Variants in SNTG1 observed in about 807,000 individuals in gnomAD.
The protein encoded by SNTG1 is gamma-1-syntrophin.
In SNTG1, 39 loss-of-function variants were observed where a neutral mutation model predicts 74.7. The ratio of observed to expected loss-of-function variants is 0.52; its 90% CI spans 0.40 to 0.68. The LOEUF (loss-of-function observed/expected upper bound fraction) is 0.68. Ranked by LOEUF, SNTG1 falls within the 30% of genes least tolerant of loss-of-function variation. The pLI is 0.00. For synonymous variants in SNTG1, 254 were observed against 217.1 expected, an observed-to-expected ratio of 1.17 and a Z score of -1.49; for missense variants, 685 against 609.5, an observed-to-expected ratio of 1.12 and a Z score of -1.30.
intron 2 of SNTG1, among the ~76,000 whole-genome samples, chr8:50,379,804 G>C (rs2092451530): frequency 1.3e-5 from 2 of 152,258 alleles, no homozygotes; most frequent in Non-Finnish European, 2.9e-5. Context: ...GGCCATCCCT[G>C]TTCTCCAGCA....
intron 9 of SNTG1, among the ~76,000 whole-genome samples, chr8:50,510,756 G>A (rs2094063562): frequency 6.6e-6 from 1 of 152,060 alleles, no homozygotes; most frequent in Admixed American, 6.6e-5. Flanking sequence ...GGGATCGGTG[G>A]TGATATCCCC....
chr8:50,660,215 G>GA, intron 15 of SNTG1, among the ~76,000 whole-genome samples: 1 of 139,198 alleles, frequency 7.2e-6, no homozygotes, highest in Non-Finnish European at 1.5e-5. Flanking sequence ...AGAAGGAAAA[G>GA]AAAAGAAGAA....
At chr8:50,701,742 C>CTTT (rs2095425925) in intron 15 of SNTG1, among the ~76,000 whole-genome samples, 2 of 46,814 alleles carry the variant, frequency 4.3e-5, no homozygotes, top group South Asian at 1.8e-3. Flanking sequence ...TTTTCTTTTT[C>CTTT]TTCTCCTTCT....
intron 1 of SNTG1, among the ~76,000 whole-genome samples, chr8:49,981,961 AT>A (rs995741522): frequency 1.1e-4 from 17 of 152,060 alleles, no homozygotes; most frequent in Non-Finnish European, 1.5e-4. Context: ...AATATTATTA[AT>A]TTTTTACCGC....
intron 2 of SNTG1, among the ~76,000 whole-genome samples, chr8:50,374,024 C>G: frequency 6.6e-6 from 1 of 151,858 alleles, no homozygotes; most frequent in African/African-American, 2.4e-5. Context: ...ATTTATCTTC[C>G]CCAAAATTCA....
chr8:49,932,056 C>G (rs1807643116), intron 1 of SNTG1, among the ~76,000 whole-genome samples: 1 of 152,074 alleles, frequency 6.6e-6, no homozygotes, highest in Non-Finnish European at 1.5e-5. Flanking sequence ...AAAAGTTATA[C>G]AATTGAAGCA....
At chr8:50,766,183 A>C (rs895581523) in intron 18 of SNTG1, among the ~76,000 whole-genome samples, 4 of 151,946 alleles carry the variant, frequency 2.6e-5, no homozygotes, top group Admixed American at 1.3e-4. Flanking sequence ...CATTCAATAG[A>C]ACATTTTTCA....
intron 1 of SNTG1, among the ~76,000 whole-genome samples, chr8:50,101,827 C>T (rs1054081558): frequency 1.8e-4 from 27 of 151,832 alleles, no homozygotes; most frequent in Admixed American, 3.9e-4. Context: ...TTTGTCCTTG[C>T]GATAGTTTAC....
intron 13 of SNTG1, among the ~76,000 whole-genome samples, chr8:50,620,059 C>G (rs988902617): frequency 5.3e-5 from 8 of 152,086 alleles, no homozygotes; most frequent in African/African-American, 1.9e-4. Flanking sequence ...TGGGCTAATC[C>G]AGGTGTGGGC....
chr8:50,517,169 C>A (rs2094140373), intron 9 of SNTG1, among the ~76,000 whole-genome samples: 3 of 152,094 alleles, frequency 2.0e-5, no homozygotes, highest in Admixed American at 2.0e-4. Context: ...GAATTTTCAA[C>A]CCAGAATTAC....
chr8:50,606,557 G>C (rs1585827765), intron 13 of SNTG1, among the ~76,000 whole-genome samples: 1 of 151,804 alleles, frequency 6.6e-6, no homozygotes, highest in Non-Finnish European at 1.5e-5. Flanking sequence ...ATTTCATTTT[G>C]GATACATTTT....
intron 13 of SNTG1, among the ~76,000 whole-genome samples, chr8:50,611,664 A>G (rs1341271640): frequency 2.0e-5 from 3 of 152,196 alleles, no homozygotes; most frequent in Non-Finnish European, 4.4e-5. Context: ...GTACATGCTT[A>G]TAGTCCCAGC....
At chr8:50,492,938 G>T (rs1056877624) in intron 8 of SNTG1, among the ~76,000 whole-genome samples, 3 of 152,052 alleles carry the variant, frequency 2.0e-5, no homozygotes, top group Non-Finnish European at 4.4e-5. Flanking sequence ...TCCAGTTTCA[G>T]TTTTCTGCAT....
intron 4 of SNTG1, among the ~76,000 whole-genome samples, chr8:50,406,788 A>C (rs776844116): frequency 2.0e-5 from 3 of 152,126 alleles, no homozygotes; most frequent in Non-Finnish European, 2.9e-5. Flanking sequence ...TTTCTGAATC[A>C]ATTGAGATGA....
chr8:50,537,676 G>T (rs2094317618), intron 11 of SNTG1, among the ~76,000 whole-genome samples: 1 of 151,662 alleles, frequency 6.6e-6, no homozygotes, highest in South Asian at 2.1e-4. Context: ...TTGAATTTTT[G>T]TTCTTATAGC....
intron 8 of SNTG1, among the ~76,000 whole-genome samples, chr8:50,489,426 C>G (rs1454882035): frequency 6.6e-6 from 1 of 152,226 alleles, no homozygotes; most frequent in Non-Finnish European, 1.5e-5. Context: ...TCCACATCCT[C>G]TCCAGCATCT....
chr8:50,089,505 C>T (rs1172955275), intron 1 of SNTG1, among the ~76,000 whole-genome samples: 1 of 151,952 alleles, frequency 6.6e-6, no homozygotes, highest in Non-Finnish European at 1.5e-5. Flanking sequence ...GCAACCTACT[C>T]ACCTGACAAA....
At chr8:50,565,375 G>A (rs1283701898) in intron 12 of SNTG1, among the ~76,000 whole-genome samples, 3 of 151,944 alleles carry the variant, frequency 2.0e-5, no homozygotes, top group South Asian at 2.1e-4. Flanking sequence ...CATAATAAAT[G>A]TGTCATTGTT....
intron 17 of SNTG1, among the ~76,000 whole-genome samples, chr8:50,714,387 A>G (rs2095470222): frequency 6.7e-6 from 1 of 150,042 alleles, no homozygotes; most frequent in African/African-American, 2.5e-5. Flanking sequence ...TCAAGGAAAT[A>G]AGAGAGGACA....
Sources: gnomAD v4.1 joint callset for allele counts (sites outside exome capture counted in the v4.1 genomes callset) on GRCh38, gnomAD v4.1.1 for gene constraint, MANE v1.5 for transcripts, NCBI Gene and HGNC (gene_info 2026-07-23, HGNC 2026-07-21) for gene names.